The following EHBP1 variants were observed in gnomAD, a reference collection of about 807,000 sequenced individuals.
EHBP1 encodes EH domain-binding protein 1.
EHBP1 carries 55 observed loss-of-function variants against 144.0 expected under a neutral mutation model. The observed-to-expected ratio is 0.38, with a 90% CI of 0.31 to 0.48. The LOEUF (loss-of-function observed/expected upper bound fraction) is 0.48. EHBP1 is among the 20% of genes least tolerant of loss of function. EHBP1 has a pLI of 0.98. For synonymous variants in EHBP1, 469 were observed against 472.7 expected (o/e 0.99, Z 0.10); for missense variants, 1,200 against 1,364.2 (o/e 0.88, Z 1.90).
chr2:62,885,153 A>G (rs542954701), intron 10 of EHBP1, among the ~76,000 whole-genome samples: 7 of 152,344 alleles, frequency 4.6e-5, no homozygotes, highest in African/African-American at 1.7e-4. Context: ...TCATAAAATG[A>G]CAACTCAGCC....
chr2:62,884,716 C>G (rs930464366), intron 10 of EHBP1, among the ~76,000 whole-genome samples: 1 of 152,222 alleles, frequency 6.6e-6, no homozygotes, highest in Middle Eastern at 3.4e-3. Flanking sequence ...AAATGGAAGC[C>G]AAGAATGCAG....
intron 3 of EHBP1, among the ~76,000 whole-genome samples, chr2:62,756,730 T>C (rs2040318462): frequency 6.9e-6 from 1 of 145,744 alleles, no homozygotes; most frequent in Non-Finnish European, 1.5e-5. Context: ...ATCGTGCCAT[T>C]GCACTCCAGC....
At chr2:62,698,895 T>C (rs1250897800) in intron 1 of EHBP1, among the ~76,000 whole-genome samples, 1 of 152,250 alleles carries the variant, frequency 6.6e-6, no homozygotes, top group Non-Finnish European at 1.5e-5. Flanking sequence ...TCTACTCATC[T>C]GGGACAAGCT....
chr2:62,734,886 G>A (rs1257467042), intron 2 of EHBP1, among the ~76,000 whole-genome samples: 1 of 152,142 alleles, frequency 6.6e-6, no homozygotes, highest in Non-Finnish European at 1.5e-5. Flanking sequence ...GAGCCACTGT[G>A]CATGGCCCTT....
intron 5 of EHBP1, among the ~76,000 whole-genome samples, chr2:62,786,960 C>A (rs183733817): frequency 6.6e-6 from 1 of 152,200 alleles, no homozygotes; most frequent in Admixed American, 6.5e-5. Context: ...ACTGAAAATA[C>A]GTTCTCACTT....
intron 7 of EHBP1, among the ~76,000 whole-genome samples, chr2:62,852,020 T>C (rs1455560983): frequency 2.0e-5 from 3 of 152,208 alleles, no homozygotes; most frequent in Admixed American, 6.5e-5. Context: ...ATCTTGATAG[T>C]ATTTTTTAAA....
At chr2:62,879,266 A>G (rs1558843896) in intron 10 of EHBP1, among the ~76,000 whole-genome samples, 1 of 152,154 alleles carries the variant, frequency 6.6e-6, no homozygotes, top group African/African-American at 2.4e-5. Context: ...CTCCTATTCA[A>G]CATAGTACTG....
chr2:62,729,474 A>ATATAT (rs1558563088), intron 2 of EHBP1, among the ~76,000 whole-genome samples: 2 of 117,848 alleles, frequency 1.7e-5, no homozygotes, highest in African/African-American at 6.7e-5. Context: ...TAAATATATA[A>ATATAT]AAATATATAT....
At chr2:63,022,147 A>G (rs1454143090) in intron 19 of EHBP1, among the ~76,000 whole-genome samples, 1 of 152,134 alleles carries the variant, frequency 6.6e-6, no homozygotes, top group Non-Finnish European at 1.5e-5. Flanking sequence ...TAGGTCCTTC[A>G]TCTTGGAGAC....
chr2:62,821,770 C>A (rs572700753), intron 5 of EHBP1, among the ~76,000 whole-genome samples: 1 of 152,004 alleles, frequency 6.6e-6, no homozygotes, highest in Admixed American at 6.6e-5. Flanking sequence ...TGTTTTATAC[C>A]GTGTTCTTAG....
In EHBP1 at chr2:62,719,013, C is replaced by T. The variant is rs1421357541; in HGVS notation, c.104+11718C>T. Among the ~76,000 whole-genome samples the T allele has an allele frequency of 2.0e-5, 3 of 148,216 alleles. No individual in the cohort carries two copies. The East Asian group carries it at 5.9e-4, about 29-fold the overall frequency. On this transcript the variant is annotated intron_variant, in intron 2 of 22. Coordinates refer to ENST00000431489, the MANE Select transcript of EHBP1 (RefSeq NM_001142616.3). ...TTTTTTTTTTTGAGCTAGGGTCTCA[C>T]TCCCATCACTCAGGCTGGAGTGTAG...
chr2:62,951,289 G>C (rs1305458466), intron 13 of EHBP1, among the ~76,000 whole-genome samples: 1 of 152,034 alleles, frequency 6.6e-6, no homozygotes, highest in East Asian at 1.9e-4. Flanking sequence ...AGTTTTCAGA[G>C]GTGTCAAGAA....
intron 14 of EHBP1, among the ~76,000 whole-genome samples, chr2:62,963,932 G>A (rs2058117822): frequency 6.6e-6 from 1 of 152,170 alleles, no homozygotes; most frequent in Admixed American, 6.6e-5. Context: ...GACACTTTGA[G>A]TGTAGAGCTG....
intron 19 of EHBP1, among the ~76,000 whole-genome samples, chr2:63,005,488 A>C (rs1316241102): frequency 6.6e-6 from 1 of 152,052 alleles, no homozygotes; most frequent in Non-Finnish European, 1.5e-5. Flanking sequence ...ATCGAGTTCC[A>C]CTTGTGCCTT....
intron 13 of EHBP1, among the ~76,000 whole-genome samples, chr2:62,953,926 G>C (rs1056194099): frequency 3.0e-4 from 45 of 152,156 alleles, no homozygotes; most frequent in Non-Finnish European, 5.0e-4. Context: ...TTTAGAGCTA[G>C]TGAGATCTTA....
chr2:62,881,385 T>C (rs1455378098), intron 10 of EHBP1, among the ~76,000 whole-genome samples: 1 of 126,928 alleles, frequency 7.9e-6, no homozygotes, highest in Non-Finnish European at 1.6e-5. Flanking sequence ...ATGTACGTCC[T>C]GAACCTGTAA....
chr2:63,024,001 A>G lies in EHBP1; in HGVS notation c.3104-13534A>G, dbSNP rs116087499. 3.0e-3 allele frequency among the ~76,000 whole-genome samples: 457 copies of G among 152,334 alleles called. 3 individuals carry two copies. Among genetic ancestry groups the G allele is most frequent in the African/African-American group, 0.01 (423 of 41,582 alleles). ...ATGAGAATAAAATTAGAGGGAGCCA[A>G]TGCAAGGTCTGGTGGTTCATACCTG... On this transcript the variant is annotated intron_variant, in intron 19 of 22. Coordinates refer to ENST00000431489, the MANE Select transcript of EHBP1 (RefSeq NM_001142616.3).
At chr2:62,971,033 AAG>A (rs1348782587) in intron 14 of EHBP1, among the ~76,000 whole-genome samples, 1 of 152,220 alleles carries the variant, frequency 6.6e-6, no homozygotes, top group Non-Finnish European at 1.5e-5. Flanking sequence ...CTTATTCTTG[AAG>A]AGTTTGTCCT....
intron 14 of EHBP1, among the ~76,000 whole-genome samples, chr2:62,962,684 CAAAT>C (rs1488120043): frequency 6.6e-6 from 1 of 152,080 alleles, no homozygotes; most frequent in African/African-American, 2.4e-5. Context: ...AAAATCTAAA[CAAAT>C]CTAAAAAGAG....
Sources: gnomAD v4.1 joint callset for allele counts (sites outside exome capture counted in the v4.1 genomes callset) on GRCh38, gnomAD v4.1.1 for gene constraint, MANE v1.5 for transcripts, NCBI Gene and HGNC (gene_info 2026-07-23, HGNC 2026-07-21) for gene names.